SMYD3: variants seen among roughly 807,000 people sequenced by gnomAD.
SMYD3 encodes histone-lysine N-methyltransferase SMYD3.
SMYD3 carries 36 observed loss-of-function variants against 57.7 expected under a neutral mutation model. The ratio of observed to expected loss-of-function variants is 0.62; its 90% CI spans 0.48 to 0.82. SMYD3 has a LOEUF of 0.82. Ranked by LOEUF, SMYD3 falls within the 40% of genes least tolerant of loss-of-function variation. The pLI, the probability that SMYD3 is intolerant of heterozygous loss-of-function variation, is 0.00. For missense variants in SMYD3, 515 were observed against 538.8 expected, an observed-to-expected ratio of 0.96 and a Z score of 0.44; for synonymous variants, 211 against 195.0, an observed-to-expected ratio of 1.08 and a Z score of -0.68.
Position 245,913,090 on chromosome 1 carries a change from C to T in SMYD3, c.813+2440G>A, listed in dbSNP as rs376362426. 3.4e-3 allele frequency among the ~76,000 whole-genome samples: 510 copies of T among 151,718 alleles called. 2 individuals are homozygous for T. The highest frequency in any genetic ancestry group is 0.011 in the African/African-American group (435 of 41,328). On this transcript the variant is annotated intron_variant, in intron 8 of 11. Transcript: ENST00000490107. Reference sequence around the variant, plus strand: ...ATGTTTATTGTGGCACTATTCACAACAGCAAAGACTTGGAACCAACCCAAA... The same window carrying T: ...ATGTTTATTGTGGCACTATTCACAATAGCAAAGACTTGGAACCAACCCAAA...
At chr1:245,984,278 A>G (rs561673587) in intron 5 of SMYD3, among the ~76,000 whole-genome samples, 6 of 152,332 alleles carry the variant, frequency 3.9e-5, no homozygotes, top group African/African-American at 9.6e-5. Context: ...GATTACAGGC[A>G]TAAGCTACTG....
intron 5 of SMYD3, among the ~76,000 whole-genome samples, chr1:246,187,161 C>T (rs184174895): frequency 1.6e-3 from 248 of 152,164 alleles, no homozygotes; most frequent in Non-Finnish European, 2.4e-3. Context: ...CGGTGGCGCA[C>T]GCCTATATTC....
intron 10 of SMYD3, among the ~76,000 whole-genome samples, chr1:245,765,383 T>C (rs2046041798): frequency 1.3e-5 from 2 of 150,018 alleles, no homozygotes; most frequent in Non-Finnish European, 3.0e-5. Context: ...AGTGAGACCC[T>C]GTTTCAAAAA....
chr1:246,364,005 T>A (rs2066055162), intron 1 of SMYD3, among the ~76,000 whole-genome samples: 1 of 151,790 alleles, frequency 6.6e-6, no homozygotes, highest in African/African-American at 2.4e-5. Flanking sequence ...GGTGCTGGGA[T>A]CTGAGAAAAA....
In SMYD3 at chr1:246,297,573, A is replaced by C. The variant is rs545231237; in HGVS notation, c.531+29628T>G. Among the ~76,000 whole-genome samples the C allele has an allele frequency of 2.3e-3, 344 of 152,268 alleles. 2 individuals carry two copies. The highest frequency in any genetic ancestry group is 3.9e-3 in the Non-Finnish European group (268 of 67,970). ...CTTCCTAAGTTAAAAGGACAAGAGC[A>C]TTTGTTCAATAAGGACAGAACCTGA... On this transcript the variant is annotated intron_variant, in intron 5 of 11. Coordinates refer to ENST00000490107, the MANE Select transcript of SMYD3 (RefSeq NM_001167740.2).
intron 1 of SMYD3, among the ~76,000 whole-genome samples, chr1:246,434,796 G>A (rs1316076851): frequency 6.6e-6 from 1 of 152,134 alleles, no homozygotes; most frequent in Non-Finnish European, 1.5e-5. Flanking sequence ...CCATTAGTAG[G>A]TATCTATCCA....
chr1:245,893,743 A>C (rs879809394), intron 8 of SMYD3, among the ~76,000 whole-genome samples: 34 of 104,952 alleles, frequency 3.2e-4, no homozygotes, highest in Non-Finnish European at 5.1e-4. Context: ...TGGTGATAGA[A>C]CGCTTCTCTA....
At position 246,335,466 on chromosome 1, in the gene SMYD3, A is replaced by G. The variant is rs777481187; in HGVS notation, c.237T>C (p.Ala79=). The change falls in exon 3 of 12, where the codon GCT becomes GCC. Residue 79 remains alanine, a synonymous_variant. Transcript: ENST00000490107. ...KYCSAKCQKK[A]WPDHKRECKC... is the part of the protein sequence containing the mutation. ...TGCATTCCCGCTTGTGGTCTGGCCA[A>G]GCTTTTTTCTATTAAAACAAGAGTG... 1 of 1,614,034 alleles carries G rather than the reference A, an allele frequency of 6.2e-7. No homozygotes were observed. The highest frequency in any genetic ancestry group is 1.7e-5 in the Admixed American group (1 of 60,004).
chr1:246,437,053 C>A (rs377338514), intron 1 of SMYD3, among the ~76,000 whole-genome samples: 70 of 152,178 alleles, frequency 4.6e-4, no homozygotes, highest in African/African-American at 1.6e-3. Context: ...GCACCCGCCA[C>A]CACACCCAGC....
intron 1 of SMYD3, among the ~76,000 whole-genome samples, chr1:246,441,490 A>G (rs2067461303): frequency 6.6e-6 from 1 of 152,212 alleles, no homozygotes; most frequent in Non-Finnish European, 1.5e-5. Flanking sequence ...TCGGATTATC[A>G]CTGGAGCTTT....
chr1:246,377,866 G>A (rs2066305746), intron 1 of SMYD3, among the ~76,000 whole-genome samples: 1 of 152,128 alleles, frequency 6.6e-6, no homozygotes. Context: ...AAGGCAGCTG[G>A]AGGAATTTAC....
chr1:246,351,281 G>C (rs1558417835), intron 2 of SMYD3, among the ~76,000 whole-genome samples: 1 of 152,068 alleles, frequency 6.6e-6, no homozygotes, highest in Non-Finnish European at 1.5e-5. Flanking sequence ...ATTTTGCTCA[G>C]CAATTAATTC....
Position 245,958,151 on chromosome 1 carries a change from C to T in SMYD3, c.532-28214G>A, listed in dbSNP as rs114428464. 4.6e-3 allele frequency among the ~76,000 whole-genome samples: 698 copies of T among 152,218 alleles called. 5 individuals carry two copies. The highest frequency in any genetic ancestry group is 0.016 in the African/African-American group (658 of 41,530). On this transcript the variant is annotated intron_variant, in intron 5 of 11. Coordinates refer to ENST00000490107, the MANE Select transcript of SMYD3 (RefSeq NM_001167740.2). ...GCTACTATCACCCTCATTTCACAAA[C>T]GAGGCTTCTAAGGCTCAAAGAGGCT...
At position 246,202,944 on chromosome 1, in the gene SMYD3, G is replaced by A. The variant is rs1369381470; in HGVS notation, c.531+124257C>T. On this transcript the variant is annotated intron_variant, in intron 5 of 11. Coordinates refer to ENST00000490107, the MANE Select transcript of SMYD3 (RefSeq NM_001167740.2). The surrounding 1 kb of genome is among the most constrained non-coding windows in gnomAD (Gnocchi z 4.1). ...AGTTCGAGACCAGCCTGGCCAATAT[G>A]GGAAAACCCGTCTCTACTAAAAATA... Among the ~76,000 whole-genome samples, 1 of 151,998 alleles carries A rather than the reference G, an allele frequency of 6.6e-6. No individual in the cohort carries two copies. Among genetic ancestry groups the A allele is most frequent in the African/African-American group, 2.4e-5 (1 of 41,394 alleles).
intron 8 of SMYD3, among the ~76,000 whole-genome samples, chr1:245,890,642 T>A (rs2053331402): frequency 6.6e-6 from 1 of 152,114 alleles, no homozygotes; most frequent in African/African-American, 2.4e-5. Context: ...AATTAGTACA[T>A]CTACTATGGA....
At chr1:246,423,905 CT>C (rs1484417639) in intron 1 of SMYD3, among the ~76,000 whole-genome samples, 1 of 152,078 alleles carries the variant, frequency 6.6e-6, no homozygotes, top group East Asian at 1.9e-4. Context: ...AATGGAACAT[CT>C]TTAAAGTGAT....
At chr1:245,977,683 C>A (rs1171320794) in intron 5 of SMYD3, among the ~76,000 whole-genome samples, 2 of 151,894 alleles carry the variant, frequency 1.3e-5, no homozygotes, top group Non-Finnish European at 2.9e-5. Flanking sequence ...TCTCAGAAAA[C>A]AAAAAACAAA....
At chr1:246,015,597 A>G (rs2059363391) in intron 5 of SMYD3, among the ~76,000 whole-genome samples, 1 of 152,094 alleles carries the variant, frequency 6.6e-6, no homozygotes, top group Admixed American at 6.5e-5. Context: ...ATAACGCTCC[A>G]TTCCCGACCC....
intron 1 of SMYD3, among the ~76,000 whole-genome samples, chr1:246,376,357 G>A (rs1363960613): frequency 2.6e-5 from 4 of 152,050 alleles, no homozygotes; most frequent in Middle Eastern, 3.4e-3. Flanking sequence ...TTGGGAGGCC[G>A]AGGTGAGCGG....
Sources: allele counts gnomAD v4.1 joint callset (sites outside exome capture counted in the v4.1 genomes callset), GRCh38; gene constraint gnomAD v4.1.1; non-coding constraint Gnocchi (gnomAD v3.1); transcripts MANE v1.5; gene names NCBI Gene and HGNC (gene_info 2026-07-23, HGNC 2026-07-21).